The following ANO2 variants were observed in gnomAD, a reference collection of about 807,000 sequenced individuals.
ANO2 encodes anoctamin-2.
A neutral mutation model predicts 124.2 loss-of-function variants in ANO2; 101 were observed. The ratio of observed to expected loss-of-function variants is 0.81; its 90% CI spans 0.69 to 0.96. ANO2 has a LOEUF of 0.96. Among genes scored for constraint, ANO2 ranks in the 40% least tolerant of loss-of-function variants. The pLI, the probability that ANO2 is intolerant of heterozygous loss-of-function variation, is 0.00. For missense variants in ANO2, 1,293 were observed against 1,274.5 expected (o/e 1.01, Z -0.22); for synonymous variants, 486 against 482.5 (o/e 1.01, Z -0.09).
intron 3 of ANO2, among the ~76,000 whole-genome samples, chr12:5,878,969 G>GA (rs1938298651): frequency 6.6e-6 from 1 of 152,172 alleles, no homozygotes. Context: ...TTGGTTTGAA[G>GA]AAAGAAAGAG....
At chr12:5,868,939 G>T (rs1477856594) in intron 3 of ANO2, among the ~76,000 whole-genome samples, 1 of 152,190 alleles carries the variant, frequency 6.6e-6, no homozygotes, top group Non-Finnish European at 1.5e-5. Flanking sequence ...ATCACAAAAT[G>T]AGATTCAATG....
At chr12:5,821,501 A>G (rs1953797003) in intron 7 of ANO2, among the ~76,000 whole-genome samples, 1 of 152,222 alleles carries the variant, frequency 6.6e-6, no homozygotes, top group South Asian at 2.1e-4. Flanking sequence ...CTGTTCTGTC[A>G]CTTGGGTCAC....
chr12:5,638,127 C>A (rs1050887692), intron 15 of ANO2, among the ~76,000 whole-genome samples: 1 of 152,056 alleles, frequency 6.6e-6, no homozygotes, highest in African/African-American at 2.4e-5. Flanking sequence ...GGAGGGTATA[C>A]GGTAGAGCTG....
At chr12:5,649,619 G>A (rs1424377944) in intron 14 of ANO2, among the ~76,000 whole-genome samples, 1 of 151,852 alleles carries the variant, frequency 6.6e-6, no homozygotes, top group Non-Finnish European at 1.5e-5. Flanking sequence ...TTTTTTGGGG[G>A]GTGGGGATGG....
intron 14 of ANO2, among the ~76,000 whole-genome samples, chr12:5,659,847 T>C (rs1947351016): frequency 6.6e-6 from 1 of 152,208 alleles, no homozygotes; most frequent in South Asian, 2.1e-4. Flanking sequence ...GCTGTTCTGC[T>C]GTGTGCCCTG....
At chr12:5,657,691 G>A (rs1947228096) in intron 14 of ANO2, among the ~76,000 whole-genome samples, 1 of 152,106 alleles carries the variant, frequency 6.6e-6, no homozygotes, top group Admixed American at 6.5e-5. Flanking sequence ...TGGTTAATGA[G>A]CTTTATGCAT....
At chr12:5,586,698 C>T (rs1243214226) in intron 20 of ANO2, among the ~76,000 whole-genome samples, 10 of 152,150 alleles carry the variant, frequency 6.6e-5, no homozygotes, top group Non-Finnish European at 1.5e-5. Flanking sequence ...AATAAGTGTC[C>T]ACTTTCACCT....
At chr12:5,839,342 A>G (rs1954432272) in intron 4 of ANO2, among the ~76,000 whole-genome samples, 1 of 152,142 alleles carries the variant, frequency 6.6e-6, no homozygotes, top group African/African-American at 2.4e-5. Context: ...GAACTGTCTG[A>G]AAGGGAACAG....
intron 14 of ANO2, among the ~76,000 whole-genome samples, chr12:5,692,660 T>C (rs764012984): frequency 2.0e-5 from 3 of 152,150 alleles, no homozygotes; most frequent in South Asian, 2.1e-4. Flanking sequence ...GTACCTGCCA[T>C]GCAGTTTTCC....
chr12:5,833,585 TG>T (rs1027752459), intron 4 of ANO2, among the ~76,000 whole-genome samples: 1 of 152,164 alleles, frequency 6.6e-6, no homozygotes, highest in African/African-American at 2.4e-5. Context: ...TACTGGTCCA[TG>T]GCCTGTTAGG....
intron 4 of ANO2, among the ~76,000 whole-genome samples, chr12:5,837,209 C>T (rs914325254): frequency 9.8e-5 from 10 of 102,278 alleles, no homozygotes; most frequent in South Asian, 5.5e-4. Context: ...GCAGCATCCA[C>T]GGGGCCAGGA....
intron 10 of ANO2, among the ~76,000 whole-genome samples, chr12:5,789,809 A>G (rs566039972): frequency 6.6e-6 from 1 of 152,326 alleles, no homozygotes; most frequent in African/African-American, 2.4e-5. Context: ...GGCTAATTAA[A>G]TTTAGCTATC....
At chr12:5,773,843 C>T (rs1007253285) in intron 10 of ANO2, among the ~76,000 whole-genome samples, 1 of 152,194 alleles carries the variant, frequency 6.6e-6, no homozygotes, top group Non-Finnish European at 1.5e-5. Context: ...CAGTGCACAA[C>T]CTGCACAACT....
intron 16 of ANO2, among the ~76,000 whole-genome samples, chr12:5,623,267 G>A (rs1269606126): frequency 1.3e-5 from 2 of 152,100 alleles, no homozygotes; most frequent in African/African-American, 4.8e-5. Flanking sequence ...TGAGGAGATA[G>A]GCAACCCTCT....
chr12:5,629,568 A>C (rs895262987), intron 16 of ANO2, among the ~76,000 whole-genome samples: 1 of 152,126 alleles, frequency 6.6e-6, no homozygotes. Flanking sequence ...GTATGTCCAG[A>C]GGCCCAGTGA....
intron 16 of ANO2, among the ~76,000 whole-genome samples, chr12:5,631,928 T>C (rs939138806): frequency 1.3e-5 from 2 of 152,028 alleles, no homozygotes; most frequent in Non-Finnish European, 2.9e-5. Context: ...TCGGGAAAGG[T>C]TGGCTGGATG....
intron 3 of ANO2, among the ~76,000 whole-genome samples, chr12:5,867,365 T>C (rs553587603): frequency 3.3e-5 from 5 of 152,272 alleles, no homozygotes; most frequent in African/African-American, 4.8e-5. Flanking sequence ...CTGTAGTCCT[T>C]AGAAATGGAT....
At chr12:5,874,132 A>C (rs577305894) in intron 3 of ANO2, among the ~76,000 whole-genome samples, 4 of 152,340 alleles carry the variant, frequency 2.6e-5, no homozygotes, top group African/African-American at 7.2e-5. Flanking sequence ...ATCATAAAAG[A>C]GGCTAGGAAA....
At chr12:5,891,416 A>C (rs1188919910) in intron 3 of ANO2, among the ~76,000 whole-genome samples, 1 of 152,162 alleles carries the variant, frequency 6.6e-6, no homozygotes, top group East Asian at 1.9e-4. Context: ...ACTTGGCCCC[A>C]GACACAGGTG....
Sources: gnomAD v4.1 joint callset for allele counts (sites outside exome capture counted in the v4.1 genomes callset) on GRCh38, gnomAD v4.1.1 for gene constraint, MANE v1.5 for transcripts, NCBI Gene and HGNC (gene_info 2026-07-23, HGNC 2026-07-21) for gene names.